Variants in TMEM132B observed in about 807,000 individuals in gnomAD.
TMEM132B encodes transmembrane protein 132B.
Under a neutral mutation model 90.8 loss-of-function variants are expected in TMEM132B, and 18 were observed. The ratio of observed to expected loss-of-function variants is 0.20; its 90% CI spans 0.14 to 0.29. TMEM132B has a LOEUF of 0.29. Among genes scored for constraint, TMEM132B ranks in the 10% least tolerant of loss-of-function variants. The pLI, the probability that TMEM132B is intolerant of heterozygous loss-of-function variation, is 1.00. For synonymous variants in TMEM132B, 504 were observed against 523.3 expected, an observed-to-expected ratio of 0.96 and a Z score of 0.50; for missense variants, 1,096 against 1,326.8, an observed-to-expected ratio of 0.83 and a Z score of 2.70.
rs188905288 is a variant in TMEM132B, at chr12:125,370,560, C to A, written c.959+20217C>A. 4.2e-4 allele frequency among the ~76,000 whole-genome samples: 64 copies of A among 152,302 alleles called. 2 individuals are homozygous for A. Among genetic ancestry groups the A allele is most frequent in the African/African-American group, 1.3e-3 (53 of 41,572 alleles). On this transcript the variant is annotated intron_variant, in intron 2 of 8. Transcript: ENST00000682704. ...GCATCTGGGCAGTCCCTTCTCCCCC[C>A]ATCAGGGTTTTCCTTCTTTCTTTTT...
At chr12:125,600,987 A>G (rs1329086404) in intron 5 of TMEM132B, among the ~76,000 whole-genome samples, 1 of 152,168 alleles carries the variant, frequency 6.6e-6, no homozygotes, top group Non-Finnish European at 1.5e-5. Context: ...AAGACCTACA[A>G]AGAGATTTAG....
intron 3 of TMEM132B, among the ~76,000 whole-genome samples, chr12:125,503,675 G>A (rs1308295957): frequency 6.6e-6 from 1 of 152,138 alleles, no homozygotes; most frequent in Non-Finnish European, 1.5e-5. Context: ...TCCTGTCCTG[G>A]ACCATCTTAT....
chr12:125,216,063 T>A (rs1873430982), intron 1 of TMEM132B, among the ~76,000 whole-genome samples: 1 of 152,224 alleles, frequency 6.6e-6, no homozygotes, highest in South Asian at 2.1e-4. Context: ...AACTTGGGCA[T>A]CCCTGGAGGC....
At chr12:125,571,259 T>C (rs1314886610) in intron 4 of TMEM132B, among the ~76,000 whole-genome samples, 1 of 152,170 alleles carries the variant, frequency 6.6e-6, no homozygotes. Flanking sequence ...AATCATGGAA[T>C]CTTTCAGCTT....
chr12:125,519,493 C>T lies in TMEM132B; in HGVS notation c.1161C>T (p.Ser387=). 6 of 1,613,972 alleles carry T rather than the reference C, an allele frequency of 3.7e-6. No homozygotes were observed. The highest frequency in any genetic ancestry group is 5.1e-6 in the Non-Finnish European group (6 of 1,179,922). Residue 387 remains serine (S), a synonymous_variant, in exon 4 of 9, where the codon AGC becomes AGT. Transcript: ENST00000682704. The part of the protein sequence containing the change: ...ILQVDFGIDN[S]SDLAGAQQIT... Reference sequence around the variant, plus strand: ...AAGTGGACTTTGGAATTGATAATAGCAGTGACCTGGCTGGGGCCCAGCAGA... The same window carrying T: ...AAGTGGACTTTGGAATTGATAATAGTAGTGACCTGGCTGGGGCCCAGCAGA...
At chr12:125,356,789 T>A (rs1877787059) in intron 2 of TMEM132B, among the ~76,000 whole-genome samples, 1 of 152,204 alleles carries the variant, frequency 6.6e-6, no homozygotes, top group African/African-American at 2.4e-5. Context: ...GCCCACCCCC[T>A]TTTTGGCCTT....
intron 4 of TMEM132B, among the ~76,000 whole-genome samples, chr12:125,526,393 C>T (rs982041168): frequency 1.3e-5 from 2 of 152,206 alleles, no homozygotes; most frequent in South Asian, 4.1e-4. Flanking sequence ...CCTACAGGCC[C>T]CAGTTGGCCG....
At chr12:125,549,392 T>C (rs1429415482) in intron 4 of TMEM132B, among the ~76,000 whole-genome samples, 2 of 152,186 alleles carry the variant, frequency 1.3e-5, no homozygotes, top group African/African-American at 2.4e-5. Flanking sequence ...CTTTGAGAAG[T>C]TGCTAATTCA....
chr12:125,203,520 C>A (rs1473395209), intron 1 of TMEM132B, among the ~76,000 whole-genome samples: 1 of 152,140 alleles, frequency 6.6e-6, no homozygotes, highest in Non-Finnish European at 1.5e-5. Flanking sequence ...CTGTGACCAT[C>A]TTGACATATA....
At chr12:125,242,254 A>T (rs188988602) in intron 1 of TMEM132B, among the ~76,000 whole-genome samples, 6 of 152,118 alleles carry the variant, frequency 3.9e-5, no homozygotes, top group Admixed American at 3.9e-4. Context: ...GGGCTCAAGA[A>T]TCCTCCTGCC....
intron 1 of TMEM132B, among the ~76,000 whole-genome samples, chr12:125,333,725 G>A (rs1876867263): frequency 6.6e-6 from 1 of 152,182 alleles, no homozygotes; most frequent in African/African-American, 2.4e-5. Context: ...GCACAGCCTA[G>A]TCAAAGCTTA....
rs1397860809 is a variant in TMEM132B, at chr12:125,445,999, C to T, written c.1106+30322C>T. 6.6e-6 allele frequency among the ~76,000 whole-genome samples: 1 copy of T among 152,206 alleles called. No homozygotes were observed. The highest frequency in any genetic ancestry group is 1.5e-5 in the Non-Finnish European group (1 of 68,044). ...TGCTATCCTGGGGGCTGCAACCTCG[C>T]TTTCTCCAACAAAGTCTGAATCCCA... On this transcript the variant is annotated intron_variant, in intron 3 of 8. Coordinates refer to ENST00000682704, the MANE Select transcript of TMEM132B (RefSeq NM_001366854.1). This position sits in a 1 kb window ranked among gnomAD's most constrained non-coding sequence, Gnocchi z 4.3.
chr12:125,338,598 C>T (rs1439623671), intron 1 of TMEM132B, among the ~76,000 whole-genome samples: 4 of 152,160 alleles, frequency 2.6e-5, no homozygotes, highest in Non-Finnish European at 5.9e-5. Flanking sequence ...CCTGTCCTTA[C>T]TGTACATGCC....
intron 3 of TMEM132B, among the ~76,000 whole-genome samples, chr12:125,479,926 A>G (rs1881993638): frequency 6.6e-6 from 1 of 152,250 alleles, no homozygotes; most frequent in Non-Finnish European, 1.5e-5. Context: ...CCACAGTGCA[A>G]TCAAATTAGA....
At chr12:125,216,957 A>G (rs570864085) in intron 1 of TMEM132B, among the ~76,000 whole-genome samples, 64 of 152,316 alleles carry the variant, frequency 4.2e-4, no homozygotes, top group Non-Finnish European at 8.5e-4. Context: ...CACAAGCTGG[A>G]GCCGTCAGGC....
chr12:125,500,139 C>G (rs1197257560), intron 3 of TMEM132B, among the ~76,000 whole-genome samples: 1 of 152,218 alleles, frequency 6.6e-6, no homozygotes, highest in Non-Finnish European at 1.5e-5. Flanking sequence ...GCCAGTCCAC[C>G]TGGGAACAAA....
chr12:125,382,002 C>T (rs569756333), intron 2 of TMEM132B, among the ~76,000 whole-genome samples: 1 of 152,220 alleles, frequency 6.6e-6, no homozygotes, highest in African/African-American at 2.4e-5. Flanking sequence ...GGATCTTAGC[C>T]CATTTCTGGG....
At chr12:125,214,570 G>T (rs896986989) in intron 1 of TMEM132B, among the ~76,000 whole-genome samples, 1 of 152,196 alleles carries the variant, frequency 6.6e-6, no homozygotes, top group South Asian at 2.1e-4. Context: ...GCTGGACCAC[G>T]TTATAGAGAG....
At chr12:125,479,409 G>T (rs1309796587) in intron 3 of TMEM132B, among the ~76,000 whole-genome samples, 7 of 152,280 alleles carry the variant, frequency 4.6e-5, no homozygotes, top group African/African-American at 1.7e-4. Context: ...ATAAAGGGAT[G>T]GAGGAAGATC....
Sources: gnomAD v4.1 joint callset for allele counts (sites outside exome capture counted in the v4.1 genomes callset) on GRCh38, gnomAD v4.1.1 for gene constraint, Gnocchi (gnomAD v3.1) non-coding constraint, MANE v1.5 for transcripts, NCBI Gene and HGNC (gene_info 2026-07-23, HGNC 2026-07-21) for gene names.